Variants in KLC3 observed in about 807,000 individuals in gnomAD.
The protein encoded by KLC3 is kinesin light chain 2.
In KLC3, 72 loss-of-function variants were observed where a neutral mutation model predicts 62.9. That is an observed-to-expected ratio of 1.15 (90% CI 0.95 to 1.39). The LOEUF (loss-of-function observed/expected upper bound fraction) is 1.39. KLC3 is among the 40% of genes most tolerant of loss of function. The pLI is 0.00. For synonymous variants in KLC3, 377 were observed against 300.5 expected, an observed-to-expected ratio of 1.25 and a Z score of -2.63; for missense variants, 848 against 691.6, an observed-to-expected ratio of 1.23 and a Z score of -2.54.
chr19:45,348,668 G>C lies in KLC3; in HGVS notation c.802G>C (p.Ala268Pro), dbSNP rs1387026361. ...VYRDQNKYKE[A>P]TDLLHDALQI... ...CAGGGACCAGAACAAGTACAAAGAA[G>C]CCACAGACCTTCTCCATGATGCCCT... The change falls in exon 6 of 13, where the codon GCC becomes CCC. Residue 268 changes from alanine to proline, a missense_variant. Transcript: ENST00000391946. 1.8e-5 allele frequency: 28 copies of C among 1,590,986 alleles called. No homozygotes were observed. The highest frequency in any genetic ancestry group is 2.4e-5 in the Non-Finnish European group (28 of 1,169,130).
chr19:45,348,512 G>A (rs1971567541), intron 5 of KLC3, 134 bp from the exon 6 acceptor site: 2 of 797,858 alleles, frequency 2.5e-6, no homozygotes, highest in African/African-American at 1.7e-5. Context: ...GCCCACAAAA[G>A]GCCCTCAAAG....
chr19:45,341,213 T>TGG (rs907990013), intron 1 of KLC3, among the ~76,000 whole-genome samples: 2 of 149,316 alleles, frequency 1.3e-5, no homozygotes, highest in Admixed American at 1.3e-4. Context: ...TGTGTGTGTG[T>TGG]GGCTTTGCGT....
At chr19:45,341,186 T>TTGTGTGTGTGTGTGTG (rs113240301) in intron 1 of KLC3, among the ~76,000 whole-genome samples, 5 of 111,926 alleles carry the variant, frequency 4.5e-5, no homozygotes, top group African/African-American at 1.9e-4. Context: ...CTGCCTGTGT[T>TTGTGTGTGTGTGTGTG]TGTGTGTGTG....
At chr19:45,348,536 T>C (rs1431534035) in intron 5 of KLC3, 110 bp from the exon 6 acceptor site, 4 of 1,045,964 alleles carry the variant, frequency 3.8e-6, no homozygotes, top group South Asian at 2.9e-5. Context: ...GTGCCACCCA[T>C]GCTTGGTTCA....
rs1412355195 is a variant in KLC3, at chr19:45,346,642, G to T, written c.357G>T (p.Leu119=). Residue 119 remains leucine, a synonymous_variant, in exon 3 of 13, where the codon CTG becomes CTT. Coordinates refer to ENST00000391946, the MANE Select transcript of KLC3 (RefSeq NM_177417.3). ...ARRLAQENVW[L]REELEETQRR... is the part of the protein sequence containing the mutation. ...GGCTGGCCCAGGAGAACGTGTGGCT[G>T]CGGGAGGAACTGGAGGAGACGCAGC... 5.8e-6 allele frequency: 9 copies of T among 1,554,816 alleles called. No individual in the cohort carries two copies. The African/African-American group carries it at 1.1e-4, about 19-fold the overall frequency.
chr19:45,348,881 C>G lies in KLC3; in HGVS notation c.929C>G (p.Ala310Gly). 1 of 1,588,584 alleles carries G rather than the reference C, an allele frequency of 6.3e-7. No individual in the cohort carries two copies. Among genetic ancestry groups the G allele is most frequent in the Admixed American group, 1.8e-5 (1 of 55,572 alleles). Residue 310 changes from alanine (A) to glycine (G), a missense_variant, in exon 7 of 13, where the codon GCA (alanine) becomes GGA (glycine). Ala to Gly is a moderately conservative substitution (Grantham distance 60). Transcript: ENST00000391946. ...LYGKRGRYRE[A>G]EPLCQRALEI... ...GGGAAGCGTGGGCGTTACCGGGAGG[C>G]AGAGCCCCTGTGCCAGCGCGCTTTG...
At chr19:45,348,309 C>T (rs1971559072) in intron 5 of KLC3, 149 bp downstream of exon 5, 1 of 778,678 alleles carries the variant, frequency 1.3e-6, no homozygotes, top group East Asian at 2.7e-5. Context: ...GAAGGGAAGG[C>T]TCCTGCTGTG....
rs368179138 is a variant in KLC3 at position 45,350,613 on chromosome 19, C to T, written c.1273-28C>T. 3 of 1,613,050 alleles carry T rather than the reference C, an allele frequency of 1.9e-6. No homozygotes were observed. The African/African-American group carries it at 4.0e-5, about 22-fold the overall frequency. On this transcript the variant is annotated intron_variant, in intron 10 of 12. Transcript: ENST00000391946. ...GTGGGGACTGCATGGGCCTGGGGGACTGAGCAGCATCCCCGGCCCCTCCCC... is the reference window on the plus strand; with the variant it reads ...GTGGGGACTGCATGGGCCTGGGGGATTGAGCAGCATCCCCGGCCCCTCCCC...
rs1971501950 is a variant in KLC3 at position 45,346,706 on chromosome 19, G to C, written c.421G>C (p.Glu141Gln). Residue 141 changes from glutamate to glutamine, a missense_variant, in exon 3 of 13, where the codon GAG becomes CAG. By Grantham distance (29) the Glu-to-Gln change is conservative. Transcript: ENST00000391946. ...CAGCGAGGAGTCCGTGGCCCAGCTG[G>C]AGGAGGAGAAGCGCCACCTGGAGTT... ...RASEESVAQLEEEKRHLEFLG... is the reference protein window; with the variant it reads ...RASEESVAQLQEEKRHLEFLG... 6.3e-7 allele frequency: 1 copy of C among 1,577,986 alleles called. No homozygotes were observed. Among genetic ancestry groups the C allele is most frequent in the East Asian group, 2.4e-5 (1 of 42,520 alleles).
At chr19:45,348,444 C>T (rs964634328) in intron 5 of KLC3, among the ~76,000 whole-genome samples, 9 of 152,118 alleles carry the variant, frequency 5.9e-5, no homozygotes, top group African/African-American at 2.2e-4. Flanking sequence ...TGGCTAGAAG[C>T]TTGGCAGAGG....
intron 1 of KLC3, among the ~76,000 whole-genome samples, chr19:45,343,231 G>A (rs751566473): frequency 3.3e-5 from 5 of 152,192 alleles, no homozygotes; most frequent in South Asian, 2.1e-4. Context: ...GACAGCGAGT[G>A]TCACGGTCAA....
intron 8 of KLC3, 147 bp downstream of exon 8, chr19:45,349,749 T>C: frequency 1.3e-6 from 1 of 752,806 alleles, no homozygotes. Context: ...ACACAGGAGC[T>C]GGCTCAGCAC....
intron 1 of KLC3, among the ~76,000 whole-genome samples, chr19:45,343,406 C>G (rs1035491471): frequency 1.3e-5 from 2 of 152,026 alleles, no homozygotes; most frequent in African/African-American, 4.8e-5. Flanking sequence ...GTGATCTTGG[C>G]TCACTGCAAC....
At position 45,343,020 on chromosome 19, in the gene KLC3, G is replaced by A. The variant is rs190976088; in HGVS notation, c.-9+2174G>A. On this transcript the variant is annotated intron_variant, in intron 1 of 12. Transcript: ENST00000391946. ...ACGCGTATTCACAGCTCTCTGTTCC[G>A]ACAGTGGAGCTGAATCTGAGTACTT... 1.6e-4 allele frequency among the ~76,000 whole-genome samples: 25 copies of A among 152,310 alleles called. 1 individual carries two copies. In the East Asian group the frequency reaches 1.9e-3, roughly 12 times the overall value.
At chr19:45,342,975 C>T (rs1007228143) in intron 1 of KLC3, among the ~76,000 whole-genome samples, 1 of 152,114 alleles carries the variant, frequency 6.6e-6, no homozygotes, top group Non-Finnish European at 1.5e-5. Context: ...GTGAAGTGTG[C>T]GAGAACGTGG....
Position 45,347,424 on chromosome 19 carries a change from C to G in KLC3, c.490-23C>G, listed in dbSNP as rs573531660. ...TGAAACAAGCCCCCACCACCCCGGC[C>G]CCCCACTTTCCTGTCTCTGCAGCAG... On this transcript the variant is annotated intron_variant, in intron 3 of 12. Transcript: ENST00000391946. The G allele has an allele frequency of 6.2e-6, 10 of 1,601,224 alleles. No homozygotes were observed. In the African/African-American group the frequency reaches 9.4e-5, roughly 15 times the overall value.
intron 1 of KLC3, among the ~76,000 whole-genome samples, chr19:45,341,975 G>C (rs918489735): frequency 6.6e-6 from 1 of 152,148 alleles, no homozygotes; most frequent in Non-Finnish European, 1.5e-5. Flanking sequence ...GTGTGGGACT[G>C]TGCCTATGAT....
Position 45,348,720 on chromosome 19 carries a change from C to G in KLC3, c.854C>G (p.Pro285Arg). Residue 285 changes from proline to arginine, a missense_variant, in exon 6 of 13, where the codon CCT (proline) becomes CGT (arginine). By Grantham distance (103) the Pro-to-Arg change is moderately radical. Coordinates refer to ENST00000391946, the MANE Select transcript of KLC3 (RefSeq NM_177417.3). Reference protein sequence around the residue: ...ALQIREQTLGPEHPAVAATLN... With the variant: ...ALQIREQTLGREHPAVAATLN... ...CAGATCCGGGAGCAGACGCTGGGCC[C>G]TGAGCACCCCGCGGTGAGTGGGGCC... 1 of 1,590,910 alleles carries G rather than the reference C, an allele frequency of 6.3e-7. No homozygotes were observed. The highest frequency in any genetic ancestry group is 8.6e-7 in the Non-Finnish European group (1 of 1,169,112).
rs991951284 is a variant in KLC3 at position 45,350,259 on chromosome 19, C to T, written c.1144-82C>T. 207 of 874,750 alleles carry T rather than the reference C, an allele frequency of 2.4e-4. No individual in the cohort carries two copies. The Middle Eastern group carries it at 3.9e-3, about 16-fold the overall frequency. The allele number at this position is 874,750 out of a possible 1,614,324, so 54.2% of individuals were successfully genotyped here. On this transcript the variant is annotated intron_variant, in intron 8 of 12. Coordinates refer to ENST00000391946, the MANE Select transcript of KLC3 (RefSeq NM_177417.3). Reference sequence around the variant, plus strand: ...CAACATACCAAGACCCCTGTCTCTACAAAAAAAAAAAAAAAGGCGGGACTG... The same window carrying T: ...CAACATACCAAGACCCCTGTCTCTATAAAAAAAAAAAAAAAGGCGGGACTG...
Sources: allele counts gnomAD v4.1 joint callset (sites outside exome capture counted in the v4.1 genomes callset), GRCh38; gene constraint gnomAD v4.1.1; transcripts MANE v1.5; gene names NCBI Gene and HGNC (gene_info 2026-07-23, HGNC 2026-07-21).